PTP4A2: variants seen among roughly 807,000 people sequenced by gnomAD.
PTP4A2 encodes the protein protein tyrosine phosphatase type IVA 2.
PTP4A2 carries 2 observed loss-of-function variants against 22.9 expected under a neutral mutation model. That is an observed-to-expected ratio of 0.09 (90% CI 0.04 to 0.27). The LOEUF (loss-of-function observed/expected upper bound fraction) is 0.27. Ranked by LOEUF, PTP4A2 falls within the 10% of genes least tolerant of loss-of-function variation. PTP4A2 has a pLI of 1.00. For synonymous variants in PTP4A2, 68 were observed against 69.1 expected, an observed-to-expected ratio of 0.98 and a Z score of 0.08; for missense variants, 103 against 205.1, an observed-to-expected ratio of 0.50 and a Z score of 3.04.
intron 3 of PTP4A2, 48 bp downstream of exon 3, chr1:31,915,846 GT>G (rs1651801845): frequency 2.4e-6 from 3 of 1,233,798 alleles, no homozygotes; most frequent in Non-Finnish European, 1.2e-6. Flanking sequence ...AAATATTTAT[GT>G]TTGAAAGATA....
intron 2 of PTP4A2, among the ~76,000 whole-genome samples, chr1:31,916,231 G>A (rs1651826428): frequency 1.3e-5 from 2 of 149,308 alleles, no homozygotes; most frequent in South Asian, 4.2e-4. Flanking sequence ...TGTAATCCCA[G>A]CTACTCAGGA....
At chr1:31,915,864 G>A in intron 3 of PTP4A2, 31 bp downstream of exon 3, 1 of 1,413,148 alleles carries the variant, frequency 7.1e-7, no homozygotes, top group Non-Finnish European at 9.8e-7. Flanking sequence ...GATACAACTT[G>A]TTTTGAAAAA....
At chr1:31,923,415 A>G (rs1652293235) in intron 1 of PTP4A2, among the ~76,000 whole-genome samples, 1 of 147,228 alleles carries the variant, frequency 6.8e-6, no homozygotes, top group African/African-American at 2.5e-5. Context: ...GCTCACTGCA[A>G]GCTCCGCCTC....
At chr1:31,920,126 CAAAAAAA>C (rs772173962) in intron 1 of PTP4A2, among the ~76,000 whole-genome samples, 33 of 43,182 alleles carry the variant, frequency 7.6e-4, no homozygotes, top group South Asian at 5.7e-3. Context: ...AACTCTGCCT[CAAAAAAA>C]AAAAAAAAAA....
chr1:31,928,410 A>G (rs1313249352), intron 1 of PTP4A2, among the ~76,000 whole-genome samples: 3 of 151,788 alleles, frequency 2.0e-5, no homozygotes, highest in Non-Finnish European at 2.9e-5. Flanking sequence ...TGTTAAAAAA[A>G]ATTTTTTGGC....
chr1:31,929,955 G>A (rs1408380308), intron 1 of PTP4A2, among the ~76,000 whole-genome samples: 1 of 152,176 alleles, frequency 6.6e-6, no homozygotes, highest in Non-Finnish European at 1.5e-5. Context: ...ACTTGGGAAA[G>A]GTTATTTGAA....
At chr1:31,933,048 C>T (rs952677669) in intron 1 of PTP4A2, 2 of 151,868 alleles carry the variant, frequency 1.3e-5, no homozygotes, top group Non-Finnish European at 2.9e-5. Context: ...GTCTCCCAGG[C>T]TAGACTGCAG....
At chr1:31,911,908 A>T in intron 3 of PTP4A2, 82 bp from the exon 4 acceptor site, 1 of 1,073,402 alleles carries the variant, frequency 9.3e-7, no homozygotes, top group Non-Finnish European at 1.3e-6. Flanking sequence ...CACACAGTAC[A>T]CACGGCAGGC....
chr1:31,916,345 C>CAAAA (rs1167002913), intron 2 of PTP4A2, among the ~76,000 whole-genome samples: 8 of 35,458 alleles, frequency 2.3e-4, no homozygotes, highest in South Asian at 1.2e-3. Context: ...ACTCCGTCTC[C>CAAAA]AAAAAAAAAA....
At position 31,914,643 on chromosome 1, in the gene PTP4A2, T is replaced by C. The variant is rs56061648; in HGVS notation, c.189+1252A>G. Among the ~76,000 whole-genome samples the C allele has an allele frequency of 3.1e-3, 467 of 152,184 alleles. 1 individual carries two copies. Among genetic ancestry groups the C allele is most frequent in the Non-Finnish European group, 5.0e-3 (340 of 67,998 alleles). The stretch of plus-strand genomic sequence containing the variant: ...CAGTTCTCTTCCTACTACATAACCT[T>C]CCCACAATCAAACCAACAGCTCAAA... On this transcript the variant is annotated intron_variant, in intron 3 of 5. Transcript: ENST00000647444.
intron 2 of PTP4A2, among the ~76,000 whole-genome samples, chr1:31,918,731 A>C (rs545141244): frequency 1.3e-5 from 2 of 152,324 alleles, no homozygotes; most frequent in East Asian, 3.9e-4. Context: ...ATGTTTGACC[A>C]AAAAAACCTG....
At position 31,938,186 on chromosome 1, in the gene PTP4A2, C is replaced by T. The variant is rs906447657; in HGVS notation, c.-793G>A. 1.4e-3 allele frequency: 208 copies of T among 151,584 alleles called. No individual in the cohort carries two copies. Among genetic ancestry groups the T allele is most frequent in the Non-Finnish European group, 2.4e-3 (166 of 69,098 alleles). The allele number at this position is 151,584 out of a possible 1,614,324, so 9.4% of individuals were successfully genotyped here. On this transcript the variant is annotated 5_prime_UTR_variant, in exon 1 of 6. Coordinates refer to ENST00000647444, the MANE Select transcript of PTP4A2 (RefSeq NM_080391.4). The surrounding 1 kb of genome is among the most constrained non-coding windows in gnomAD (Gnocchi z 4.4). ...GGCGCGTCTCCACGAGTCCGTCTTG[C>T]TGCTGCTGCTGCGGCCGCCGCTGCG... is the stretch of plus-strand genomic sequence containing the variant.
In PTP4A2 at chr1:31,919,131, T is replaced by C. The variant is rs1049431374; in HGVS notation, c.-66A>G. 21 of 802,008 alleles carry C rather than the reference T, an allele frequency of 2.6e-5. No homozygotes were observed. In the Admixed American group the frequency reaches 4.4e-4, roughly 17 times the overall value. The allele number at this position is 802,008 out of a possible 1,614,324, so 49.7% of individuals were successfully genotyped here. ...GGGGAAAGTGAAAAAAAAAAATCAA[T>C]AAATCTTGAAATGTTTCACAGCAGA... is the stretch of plus-strand genomic sequence containing the variant. On this transcript the variant is annotated 5_prime_UTR_variant, in exon 2 of 6. Transcript: ENST00000647444.
At chr1:31,916,345 C>T (rs1456283563) in intron 2 of PTP4A2, among the ~76,000 whole-genome samples, 3 of 35,444 alleles carry the variant, frequency 8.5e-5, no homozygotes, top group African/African-American at 2.4e-4. Flanking sequence ...ACTCCGTCTC[C>T]AAAAAAAAAA....
In PTP4A2 at chr1:31,907,545, T is replaced by C. The variant is rs1036716941; in HGVS notation, c.*1307A>G. 2.6e-5 allele frequency: 4 copies of C among 152,164 alleles called. No individual in the cohort carries two copies. The highest frequency in any genetic ancestry group is 9.7e-5 in the African/African-American group (4 of 41,424). 9.4% of individuals were successfully genotyped at this position (152,164 alleles called of 1,614,324 possible). A position where few individuals can be genotyped will look rare whatever the true frequency, so the allele number is the denominator to read the frequency against. On this transcript the variant is annotated 3_prime_UTR_variant, in exon 6 of 6. Transcript: ENST00000647444. ...GTGGACACATACTCACTAGGCATCA[T>C]TGTTGGTTTTAAACCAGGGATTTTT... is the stretch of plus-strand genomic sequence containing the variant.
At chr1:31,936,958 T>C (rs1463224881) in intron 1 of PTP4A2, among the ~76,000 whole-genome samples, 1 of 152,214 alleles carries the variant, frequency 6.6e-6, no homozygotes, top group Non-Finnish European at 1.5e-5. Context: ...GAATTGCTAG[T>C]CACTGCTAAT....
intron 2 of PTP4A2, among the ~76,000 whole-genome samples, chr1:31,916,251 AG>A (rs199569133): frequency 0.053 from 7,820 of 147,800 alleles, 692 homozygotes; most frequent in African/African-American, 0.19. Context: ...AGGCTGAGGC[AG>A]GAGAATCGCT....
intron 1 of PTP4A2, among the ~76,000 whole-genome samples, chr1:31,935,285 C>A (rs977375535): frequency 6.6e-6 from 1 of 152,120 alleles, no homozygotes; most frequent in East Asian, 1.9e-4. Context: ...GCACACACCC[C>A]GGGGCCCCAA....
chr1:31,932,650 A>T, intron 1 of PTP4A2: 1 of 152,246 alleles, frequency 6.6e-6, no homozygotes, highest in East Asian at 1.9e-4. Flanking sequence ...CAAACAGTGC[A>T]GGAAACGAGT....
Sources: allele counts gnomAD v4.1 joint callset (sites outside exome capture counted in the v4.1 genomes callset), GRCh38; gene constraint gnomAD v4.1.1; non-coding constraint Gnocchi (gnomAD v3.1); transcripts MANE v1.5; gene names NCBI Gene and HGNC (gene_info 2026-07-23, HGNC 2026-07-21).